YIPF1: variants seen among roughly 807,000 people sequenced by gnomAD.
The protein encoded by YIPF1 is Yip1 domain family member 1, also known as protein YIPF1.
A neutral mutation model predicts 37.0 loss-of-function variants in YIPF1; 22 were observed. The ratio of observed to expected loss-of-function variants is 0.59; its 90% CI spans 0.42 to 0.85. The LOEUF is 0.85. YIPF1 is among the 40% of genes least tolerant of loss of function. The probability of loss-of-function intolerance (pLI) is 0.00; values close to 1 mark genes in which losing one functional copy is unlikely to be tolerated. For synonymous variants in YIPF1, 128 were observed against 131.9 expected (o/e 0.97, Z 0.21); for missense variants, 355 against 373.1 (o/e 0.95, Z 0.40).
At chr1:53,887,378 C>T (rs190984735) in intron 3 of YIPF1, among the ~76,000 whole-genome samples, 1 of 151,934 alleles carries the variant, frequency 6.6e-6, no homozygotes, top group South Asian at 2.1e-4. Context: ...CTGCGCCCAG[C>T]CTGGCTTTTT....
chr1:53,878,416 T>C lies in YIPF1; in HGVS notation c.277-14A>G, dbSNP rs374677447. On this transcript the variant is annotated splice_polypyrimidine_tract_variant and intron_variant, in intron 5 of 10. Coordinates refer to ENST00000072644, the MANE Select transcript of YIPF1 (RefSeq NM_018982.5). ...TCTGTCAAAGACCTGGAAAACATCA[T>C]AGCAGTAATTCTACTGAAGTTTTTT... 1.9e-6 allele frequency: 3 copies of C among 1,611,660 alleles called. No individual in the cohort carries two copies. Among genetic ancestry groups the C allele is most frequent in the African/African-American group, 2.7e-5 (2 of 74,786 alleles).
chr1:53,885,512 A>G lies in YIPF1; in HGVS notation c.32-2236T>C, dbSNP rs6677234. On this transcript the variant is annotated intron_variant, in intron 3 of 10. Coordinates refer to ENST00000072644, the MANE Select transcript of YIPF1 (RefSeq NM_018982.5). ...ACAGAGTGAGACTCTGTCTCACAAA[A>G]AAAGAAAGAAAAGTAAAGTATAACT... Among the ~76,000 whole-genome samples the G allele has an allele frequency of 8.7e-3, 1,320 of 152,210 alleles. 25 individuals are homozygous for G. Among genetic ancestry groups the G allele is most frequent in the African/African-American group, 0.03 (1,251 of 41,530 alleles).
intron 3 of YIPF1, among the ~76,000 whole-genome samples, chr1:53,886,366 C>T (rs1319380076): frequency 6.6e-6 from 1 of 151,888 alleles, no homozygotes; most frequent in African/African-American, 2.4e-5. Flanking sequence ...CATCTCAGCT[C>T]CTTGAGCATA....
At chr1:53,872,198 C>G (rs1031142661) in intron 6 of YIPF1, among the ~76,000 whole-genome samples, 8 of 152,136 alleles carry the variant, frequency 5.3e-5, no homozygotes, top group Non-Finnish European at 7.4e-5. Flanking sequence ...AAGATCCACT[C>G]CCTCTCTGTG....
intron 2 of YIPF1, 81 bp downstream of exon 2, chr1:53,889,163 A>C: frequency 2.3e-6 from 1 of 434,844 alleles, no homozygotes; most frequent in Non-Finnish European, 4.2e-6. Context: ...AACTGTAACA[A>C]AGAAACTAAC....
At chr1:53,857,530 A>G (rs1423794241) in intron 10 of YIPF1, among the ~76,000 whole-genome samples, 1 of 152,126 alleles carries the variant, frequency 6.6e-6, no homozygotes, top group Non-Finnish European at 1.5e-5. Flanking sequence ...AAAACCTCAA[A>G]AATTGGCTTC....
At chr1:53,884,288 T>C (rs539648333) in intron 3 of YIPF1, among the ~76,000 whole-genome samples, 1 of 149,530 alleles carries the variant, frequency 6.7e-6, no homozygotes, top group South Asian at 2.1e-4. Flanking sequence ...TTCTACCACA[T>C]AAAGGCAAAC....
At chr1:53,888,846 A>G in intron 3 of YIPF1, 61 bp downstream of exon 3, 1 of 1,463,394 alleles carries the variant, frequency 6.8e-7, no homozygotes, top group Non-Finnish European at 9.4e-7. Context: ...GAATGAAAAT[A>G]CTTGCTGTGA....
At chr1:53,875,516 CA>C (rs1650313155) in intron 6 of YIPF1, among the ~76,000 whole-genome samples, 2 of 151,766 alleles carry the variant, frequency 1.3e-5, no homozygotes, top group Admixed American at 6.6e-5. Flanking sequence ...GACCCAGTCT[CA>C]AAAAACAAAA....
intron 4 of YIPF1, among the ~76,000 whole-genome samples, chr1:53,880,763 C>T (rs1257032184): frequency 6.6e-6 from 1 of 152,154 alleles, no homozygotes; most frequent in African/African-American, 2.4e-5. Context: ...GAATGCACGT[C>T]TACAACCATC....
chr1:53,853,743 T>C (rs1365102112), intron 10 of YIPF1, among the ~76,000 whole-genome samples: 1 of 152,184 alleles, frequency 6.6e-6, no homozygotes, highest in Non-Finnish European at 1.5e-5. Flanking sequence ...GATGCTGTAA[T>C]TTGCTGGCAT....
chr1:53,866,392 G>A lies in YIPF1; in HGVS notation c.649-10C>T. 1 of 1,612,382 alleles carries A rather than the reference G, an allele frequency of 6.2e-7. No individual in the cohort carries two copies. Among genetic ancestry groups the A allele is most frequent in the Non-Finnish European group, 8.5e-7 (1 of 1,178,862 alleles). On this transcript the variant is annotated splice_polypyrimidine_tract_variant and intron_variant, in intron 8 of 10. Transcript: ENST00000072644. The stretch of plus-strand genomic sequence containing the variant: ...GGATAATCCACAGTATCTGAAAGAA[G>A]AGAAAAGGAGGAGCGGGGAGTTCTT...
chr1:53,877,987 G>A (rs1650377057), intron 6 of YIPF1, among the ~76,000 whole-genome samples: 1 of 152,074 alleles, frequency 6.6e-6, no homozygotes, highest in Non-Finnish European at 1.5e-5. Flanking sequence ...TTGCTATGTT[G>A]CCCAGACTGG....
At chr1:53,884,363 T>C (rs1030899519) in intron 3 of YIPF1, among the ~76,000 whole-genome samples, 1 of 152,196 alleles carries the variant, frequency 6.6e-6, no homozygotes, top group Non-Finnish European at 1.5e-5. Context: ...TGATGATCAT[T>C]CATTTATTCA....
At chr1:53,860,494 G>C (rs1015377158) in intron 9 of YIPF1, among the ~76,000 whole-genome samples, 1 of 152,184 alleles carries the variant, frequency 6.6e-6, no homozygotes, top group Non-Finnish European at 1.5e-5. Flanking sequence ...GCTAATGAGT[G>C]GTGAAGCCAG....
Position 53,866,869 on chromosome 1 carries a change from G to C in YIPF1, c.537C>G (p.Leu179=). The part of the protein sequence containing the change: ...YAYAWLVPLA[L]WGFLMWRNSK... The stretch of plus-strand genomic sequence containing the variant: ...TGTTTCTCCACATGAGGAAACCCCA[G>C]AGTGCAAGAGGAACCAGCCAGGCAT... The change falls in exon 8 of 11, where the codon CTC becomes CTG. Residue 179 remains leucine, a synonymous_variant. Coordinates refer to ENST00000072644, the MANE Select transcript of YIPF1 (RefSeq NM_018982.5). 1 of 1,614,222 alleles carries C rather than the reference G, an allele frequency of 6.2e-7. No individual in the cohort carries two copies. The highest frequency in any genetic ancestry group is 8.5e-7 in the Non-Finnish European group (1 of 1,180,034).
At chr1:53,876,514 G>A (rs537473414) in intron 6 of YIPF1, among the ~76,000 whole-genome samples, 28 of 152,064 alleles carry the variant, frequency 1.8e-4, no homozygotes, top group Non-Finnish European at 3.1e-4. Flanking sequence ...TTTTAACCAC[G>A]TCTATGAGCT....
chr1:53,874,861 A>G (rs1650294610), intron 6 of YIPF1, among the ~76,000 whole-genome samples: 1 of 152,162 alleles, frequency 6.6e-6, no homozygotes. Context: ...ATCTATATTT[A>G]TGCTTTTAGC....
At chr1:53,855,709 T>C (rs1319574170) in intron 10 of YIPF1, among the ~76,000 whole-genome samples, 6 of 152,132 alleles carry the variant, frequency 3.9e-5, no homozygotes, top group Non-Finnish European at 7.4e-5. Context: ...CCCACATAAG[T>C]GTGTTGTAAG....
Sources: gnomAD v4.1 joint callset for allele counts (sites outside exome capture counted in the v4.1 genomes callset) on GRCh38, gnomAD v4.1.1 for gene constraint, MANE v1.5 for transcripts, NCBI Gene and HGNC (gene_info 2026-07-23, HGNC 2026-07-21) for gene names.